TENM3: variants seen among roughly 807,000 people sequenced by gnomAD.
TENM3 encodes the protein teneurin transmembrane protein 3.
In TENM3, 63 loss-of-function variants were observed where a neutral mutation model predicts 255.1. The ratio of observed to expected loss-of-function variants is 0.25; its 90% confidence interval spans 0.20 to 0.30. The LOEUF is 0.30. TENM3 is among the 10% of genes least tolerant of loss of function. TENM3 has a pLI of 1.00. For missense variants in TENM3, 2,929 were observed against 3,461.1 expected (o/e 0.85, Z 3.86); for synonymous variants, 1,306 against 1,322.3 (o/e 0.99, Z 0.27).
chr4:182,542,691 G>A (rs982817308), intron 3 of TENM3, among the ~76,000 whole-genome samples: 2 of 152,032 alleles, frequency 1.3e-5, no homozygotes, highest in Non-Finnish European at 2.9e-5. Context: ...GATGAAGCTC[G>A]AGGTCAAGTT....
intron 2 of TENM3, among the ~76,000 whole-genome samples, chr4:182,329,114 C>G (rs1360182021): frequency 1.3e-5 from 2 of 152,186 alleles, no homozygotes; most frequent in Non-Finnish European, 1.5e-5. Flanking sequence ...CCACTCATCT[C>G]CCAGCAGACT....
the TENM3 span, among the ~76,000 whole-genome samples, chr4:181,819,579 G>A: frequency 6.6e-6 from 1 of 152,156 alleles, no homozygotes. Flanking sequence ...ACCAGGGACT[G>A]GTTTCATGGA....
chr4:182,706,414 G>A (rs1380399917), intron 12 of TENM3, among the ~76,000 whole-genome samples: 1 of 152,182 alleles, frequency 6.6e-6, no homozygotes, highest in African/African-American at 2.4e-5. Context: ...ATAATAAATG[G>A]TAGTTATTGC....
chr4:182,200,318 C>G (rs1400247457), intron 1 of TENM3, among the ~76,000 whole-genome samples: 1 of 152,124 alleles, frequency 6.6e-6, no homozygotes, highest in African/African-American at 2.4e-5. Context: ...AAAACTTATT[C>G]CACTGACTCA....
chr4:181,875,704 G>GT, the TENM3 span, among the ~76,000 whole-genome samples: 1 of 152,168 alleles, frequency 6.6e-6, no homozygotes, highest in Non-Finnish European at 1.5e-5. Context: ...CTGGGTTGGT[G>GT]TAAGTGTGCC....
chr4:181,590,022 T>C, the TENM3 span, among the ~76,000 whole-genome samples: 4 of 152,294 alleles, frequency 2.6e-5, no homozygotes, highest in Admixed American at 6.5e-5. Flanking sequence ...TATTTGAGGG[T>C]GCCTCTTCTC....
the TENM3 span, among the ~76,000 whole-genome samples, chr4:181,862,277 A>G: frequency 6.6e-6 from 1 of 152,090 alleles, no homozygotes; most frequent in East Asian, 1.9e-4. Flanking sequence ...GGAGAACTGC[A>G]TGTAAAAGAG....
chr4:182,605,444 A>G (rs2152420769), intron 4 of TENM3, among the ~76,000 whole-genome samples: 1 of 151,602 alleles, frequency 6.6e-6, no homozygotes, highest in South Asian at 2.1e-4. Context: ...GACCTGGGCC[A>G]ATGGTAGGAA....
At chr4:181,954,498 T>C in the TENM3 span, among the ~76,000 whole-genome samples, 138 of 152,344 alleles carry the variant, frequency 9.1e-4, 4 homozygotes, top group East Asian at 0.021. Flanking sequence ...ATTGTGACTT[T>C]AATTTGCATT....
chr4:181,931,083 G>A, the TENM3 span, among the ~76,000 whole-genome samples: 1 of 152,194 alleles, frequency 6.6e-6, no homozygotes, highest in Non-Finnish European at 1.5e-5. Context: ...AAAGCTGGAA[G>A]CATTCCCTTT....
At chr4:182,298,626 T>C (rs1580071015) in intron 1 of TENM3, among the ~76,000 whole-genome samples, 2 of 152,050 alleles carry the variant, frequency 1.3e-5, no homozygotes, top group South Asian at 4.1e-4. Flanking sequence ...GGAAGAACTA[T>C]ATCAAAGTGA....
At chr4:182,663,281 T>C (rs1464289518) in intron 6 of TENM3, among the ~76,000 whole-genome samples, 1 of 152,190 alleles carries the variant, frequency 6.6e-6, no homozygotes. Flanking sequence ...TTCAACAAAA[T>C]AGCTATACAA....
chr4:182,097,782 A>G, the TENM3 span, among the ~76,000 whole-genome samples: 1 of 152,124 alleles, frequency 6.6e-6, no homozygotes, highest in Admixed American at 6.5e-5. Context: ...GCACTTTAAC[A>G]CCATTGTCTC....
intron 1 of TENM3, among the ~76,000 whole-genome samples, chr4:182,151,341 AC>A (rs1426659879): frequency 6.6e-6 from 1 of 152,158 alleles, no homozygotes; most frequent in Non-Finnish European, 1.5e-5. Context: ...GGTAAAAAGT[AC>A]GCTATTGAAA....
At chr4:181,693,245 C>A in the TENM3 span, among the ~76,000 whole-genome samples, 2 of 152,184 alleles carry the variant, frequency 1.3e-5, no homozygotes, top group African/African-American at 2.4e-5. Context: ...AGCTAAATAG[C>A]CCATTGTACA....
At chr4:181,965,078 A>C in the TENM3 span, among the ~76,000 whole-genome samples, 1 of 152,196 alleles carries the variant, frequency 6.6e-6, no homozygotes, top group Non-Finnish European at 1.5e-5. Context: ...TAGATGTGTA[A>C]AATATTTCCT....
intron 3 of TENM3, among the ~76,000 whole-genome samples, chr4:182,392,331 G>A (rs1268265905): frequency 1.3e-5 from 2 of 152,188 alleles, no homozygotes; most frequent in African/African-American, 4.8e-5. Flanking sequence ...CTGTGAAACA[G>A]CAAATGTTGA....
the TENM3 span, among the ~76,000 whole-genome samples, chr4:181,656,274 C>A: frequency 3.3e-5 from 5 of 152,090 alleles, no homozygotes; most frequent in Non-Finnish European, 5.9e-5. Context: ...GACACAGCAG[C>A]CTGAGACAGA....
At chr4:181,650,663 C>A in the TENM3 span, among the ~76,000 whole-genome samples, 1 of 152,140 alleles carries the variant, frequency 6.6e-6, no homozygotes, top group Non-Finnish European at 1.5e-5. Flanking sequence ...AGCTTGCAAA[C>A]CCCAGATGTC....
Sources: allele counts gnomAD v4.1 joint callset (sites outside exome capture counted in the v4.1 genomes callset), GRCh38; gene constraint gnomAD v4.1.1; transcripts MANE v1.5; gene names NCBI Gene and HGNC (gene_info 2026-07-23, HGNC 2026-07-21).